CDH9: variants seen among roughly 807,000 people sequenced by gnomAD.
The protein encoded by CDH9 is cadherin 9.
A neutral mutation model predicts 70.9 loss-of-function variants in CDH9; 28 were observed. That is an observed-to-expected ratio of 0.40 (90% confidence interval 0.29 to 0.54). The LOEUF (loss-of-function observed/expected upper bound fraction) is 0.54, where lower values mean the gene tolerates loss of function less well. Ranked by LOEUF, CDH9 falls within the 20% of genes least tolerant of loss-of-function variation. CDH9 has a pLI of 0.59. For missense variants in CDH9, 874 were observed against 984.4 expected (o/e 0.89, Z 1.50); for synonymous variants, 409 against 343.1 (o/e 1.19, Z -2.12).
intron 1 of CDH9, among the ~76,000 whole-genome samples, chr5:27,020,075 T>C (rs1434698429): frequency 2.6e-5 from 4 of 151,838 alleles, no homozygotes; most frequent in African/African-American, 9.7e-5. Flanking sequence ...TTCATTATAA[T>C]TTATTTTATA....
chr5:26,881,422 T>G lies in CDH9; in HGVS notation c.2084A>C (p.Glu695Ala). ...DSKLRRDVMP[E>A]TIFQIRRTVP... ...AGTCCTCCTTATCTGAAAAATAGTT[T>G]CAGGCATTACATCCCGTCTAAGTTT... Residue 695 changes from glutamate to alanine, a missense_variant, in exon 12 of 12, where the codon GAA becomes GCA. Physicochemically the swap from Glu to Ala is moderately radical, Grantham distance 107. Coordinates refer to ENST00000231021, the MANE Select transcript of CDH9 (RefSeq NM_016279.4). The G allele has an allele frequency of 1.2e-6, 2 of 1,613,578 alleles. No individual in the cohort carries two copies. Among genetic ancestry groups the G allele is most frequent in the Non-Finnish European group, 8.5e-7 (1 of 1,179,596 alleles).
chr5:27,015,231 A>G (rs1743026659), intron 1 of CDH9, among the ~76,000 whole-genome samples: 1 of 151,962 alleles, frequency 6.6e-6, no homozygotes, highest in African/African-American at 2.4e-5. Flanking sequence ...AGGAGGTAGA[A>G]TTATAATATA....
intron 1 of CDH9, 141 bp downstream of exon 1, chr5:27,038,322 C>A (rs529216666): frequency 6.6e-6 from 1 of 151,382 alleles, no homozygotes; most frequent in Non-Finnish European, 1.5e-5. Flanking sequence ...AAAATGTATT[C>A]TTATGTGCTT....
chr5:26,953,718 G>A (rs896710673), intron 2 of CDH9, among the ~76,000 whole-genome samples: 1 of 151,978 alleles, frequency 6.6e-6, no homozygotes, highest in South Asian at 2.1e-4. Flanking sequence ...CCATCAGAAA[G>A]TTCTGTATCT....
At chr5:26,947,652 T>C (rs1039332459) in intron 2 of CDH9, among the ~76,000 whole-genome samples, 4 of 152,222 alleles carry the variant, frequency 2.6e-5, no homozygotes, top group Admixed American at 2.0e-4. Flanking sequence ...CAAATAAGCA[T>C]TGAAATAAGG....
At chr5:26,963,125 C>T (rs1561020360) in intron 2 of CDH9, among the ~76,000 whole-genome samples, 1 of 152,074 alleles carries the variant, frequency 6.6e-6, no homozygotes, top group Non-Finnish European at 1.5e-5. Flanking sequence ...TTAATCAGAA[C>T]TTATTAAATC....
chr5:26,984,849 AT>A (rs1218491427), intron 2 of CDH9, among the ~76,000 whole-genome samples: 1 of 152,120 alleles, frequency 6.6e-6, no homozygotes, highest in Non-Finnish European at 1.5e-5. Context: ...GACCAACCAA[AT>A]TTCAAATTGC....
At chr5:26,887,142 T>C (rs1004852311) in intron 9 of CDH9, among the ~76,000 whole-genome samples, 1 of 152,138 alleles carries the variant, frequency 6.6e-6, no homozygotes, top group Non-Finnish European at 1.5e-5. Context: ...TATGTAACTG[T>C]ATTTTTAATA....
intron 1 of CDH9, among the ~76,000 whole-genome samples, chr5:27,036,812 A>G (rs144876843): frequency 3.9e-4 from 59 of 152,000 alleles, no homozygotes; most frequent in African/African-American, 1.4e-3. Context: ...ATAATTATTT[A>G]TCTACTCCTC....
At chr5:26,956,766 T>A (rs917713087) in intron 2 of CDH9, among the ~76,000 whole-genome samples, 3 of 152,170 alleles carry the variant, frequency 2.0e-5, no homozygotes, top group African/African-American at 7.2e-5. Flanking sequence ...ATTAAGCTAA[T>A]ACATCTCTAT....
chr5:27,031,817 T>C (rs921580739), intron 1 of CDH9, among the ~76,000 whole-genome samples: 1 of 151,900 alleles, frequency 6.6e-6, no homozygotes, highest in Non-Finnish European at 1.5e-5. Context: ...CATTCTGTCA[T>C]TTGGTCTCTG....
At chr5:26,993,721 A>AAAAAAAC (rs1742619800) in intron 1 of CDH9, among the ~76,000 whole-genome samples, 2 of 151,394 alleles carry the variant, frequency 1.3e-5, no homozygotes, top group Admixed American at 6.6e-5. Context: ...AAAAAAAAAA[A>AAAAAAAC]AGAACTATTA....
chr5:27,026,516 T>C (rs1036005989), intron 1 of CDH9, among the ~76,000 whole-genome samples: 12 of 151,964 alleles, frequency 7.9e-5, no homozygotes, highest in Non-Finnish European at 1.3e-4. Flanking sequence ...ACCACCTGTT[T>C]ACACAGAATT....
rs77805497 is a variant in CDH9, at chr5:26,986,281, A to T, written c.228+1825T>A. On this transcript the variant is annotated intron_variant, in intron 2 of 11. Coordinates refer to ENST00000231021, the MANE Select transcript of CDH9 (RefSeq NM_016279.4). ...GTTGTCAAGAATAAATTGGCAAAAA[A>T]TTCGCACATCCTAACTTGTCCACGC... Among the ~76,000 whole-genome samples, 7 of 152,200 alleles carry T rather than the reference A, an allele frequency of 4.6e-5. No individual in the cohort carries two copies. In the South Asian group the frequency reaches 8.3e-4, roughly 18 times the overall value.
In CDH9 at chr5:26,974,983, C is replaced by T. The variant is rs188561385; in HGVS notation, c.228+13123G>A. Among the ~76,000 whole-genome samples, 31 of 152,232 alleles carry T rather than the reference C, an allele frequency of 2.0e-4. No individual in the cohort carries two copies. In the East Asian group the frequency reaches 6.0e-3, roughly 29 times the overall value. ...TTTGACCCTTTGACCAACAGCTCTC[C>T]ATTTTCCCCACCCTTAGCCCCATAT... On this transcript the variant is annotated intron_variant, in intron 2 of 11. Transcript: ENST00000231021.
intron 2 of CDH9, among the ~76,000 whole-genome samples, chr5:26,969,109 T>G (rs981911670): frequency 1.3e-5 from 2 of 152,166 alleles, no homozygotes; most frequent in Non-Finnish European, 2.9e-5. Context: ...AGTGAAGAAA[T>G]TTTTCATTCT....
intron 1 of CDH9, among the ~76,000 whole-genome samples, chr5:27,016,837 A>C (rs1383628560): frequency 6.6e-6 from 1 of 151,898 alleles, no homozygotes; most frequent in Admixed American, 6.6e-5. Flanking sequence ...GATCCACTGA[A>C]ATAAAGGGAG....
chr5:26,960,108 T>C (rs1232306480), intron 2 of CDH9, among the ~76,000 whole-genome samples: 1 of 151,942 alleles, frequency 6.6e-6, no homozygotes, highest in Non-Finnish European at 1.5e-5. Context: ...TGCAAAATAC[T>C]ATGTAAACAG....
intron 2 of CDH9, among the ~76,000 whole-genome samples, chr5:26,974,095 T>C (rs1181016497): frequency 6.6e-6 from 1 of 151,990 alleles, no homozygotes; most frequent in Non-Finnish European, 1.5e-5. Context: ...AACACAAAAA[T>C]TAGCCGGGCA....
Sources: allele counts gnomAD v4.1 joint callset (sites outside exome capture counted in the v4.1 genomes callset), GRCh38; gene constraint gnomAD v4.1.1; transcripts MANE v1.5; gene names NCBI Gene and HGNC (gene_info 2026-07-23, HGNC 2026-07-21).